The following CSMD1 variants were observed in gnomAD, a reference collection of about 807,000 sequenced individuals.
CSMD1 encodes the protein CUB and sushi domain-containing protein 1.
Under a neutral mutation model 417.5 loss-of-function variants are expected in CSMD1, and 213 were observed. That is an observed-to-expected ratio of 0.51 (90% confidence interval 0.46 to 0.57). CSMD1 has a LOEUF of 0.57. Among genes scored for constraint, CSMD1 ranks in the 20% least tolerant of loss-of-function variants. CSMD1 has a pLI of 0.00. For synonymous variants in CSMD1, 2,862 were observed against 1,736.8 expected, an observed-to-expected ratio of 1.65 and a Z score of -16.11; for missense variants, 6,923 against 4,529.7, an observed-to-expected ratio of 1.53 and a Z score of -15.17.
At chr8:3,111,127 C>T (rs568264356) in intron 42 of CSMD1, among the ~76,000 whole-genome samples, 10 of 152,274 alleles carry the variant, frequency 6.6e-5, no homozygotes, top group African/African-American at 2.4e-4. Flanking sequence ...GTGTTCACAA[C>T]TCTCTTGAAC....
intron 3 of CSMD1, among the ~76,000 whole-genome samples, chr8:4,247,539 G>A (rs1430872262): frequency 6.6e-6 from 1 of 152,062 alleles, no homozygotes; most frequent in Non-Finnish European, 1.5e-5. Context: ...AGTACCCGAA[G>A]AATCAAAGGC....
chr8:4,099,077 G>C (rs772444911), intron 3 of CSMD1, among the ~76,000 whole-genome samples: 48 of 152,036 alleles, frequency 3.2e-4, no homozygotes, highest in Non-Finnish European at 5.1e-4. Context: ...CTTCATTCTA[G>C]ACATTATTTT....
intron 8 of CSMD1, among the ~76,000 whole-genome samples, chr8:3,586,740 A>C (rs1800618496): frequency 1.3e-5 from 2 of 152,178 alleles, no homozygotes; most frequent in Admixed American, 6.5e-5. Flanking sequence ...TATTTAAAAG[A>C]AAGCTAGTGA....
intron 2 of CSMD1, among the ~76,000 whole-genome samples, chr8:4,571,698 T>G (rs893380031): frequency 3.3e-5 from 5 of 152,198 alleles, no homozygotes; most frequent in Admixed American, 3.3e-4. Flanking sequence ...ATTTTCTGTC[T>G]CTTTGATCTG....
chr8:3,793,224 A>C (rs1445218466), intron 5 of CSMD1, among the ~76,000 whole-genome samples: 4 of 152,188 alleles, frequency 2.6e-5, no homozygotes, highest in Non-Finnish European at 5.9e-5. Context: ...CTATGGTCTA[A>C]GTCCTGTTCC....
chr8:4,505,521 A>T (rs555942908), intron 2 of CSMD1, among the ~76,000 whole-genome samples: 140 of 152,276 alleles, frequency 9.2e-4, no homozygotes, highest in Middle Eastern at 3.4e-3. Flanking sequence ...AATTTTTCTG[A>T]TTCCTCAGAA....
chr8:4,914,149 G>A (rs1039062206), intron 1 of CSMD1, among the ~76,000 whole-genome samples: 8 of 152,140 alleles, frequency 5.3e-5, no homozygotes, highest in Non-Finnish European at 7.4e-5. Flanking sequence ...TCTGAAAAGT[G>A]CATATAAAGT....
chr8:4,186,553 AAAGACG>A (rs1166420652), intron 3 of CSMD1, among the ~76,000 whole-genome samples: 1 of 152,208 alleles, frequency 6.6e-6, no homozygotes, highest in Non-Finnish European at 1.5e-5. Context: ...TACGAATATA[AAAGACG>A]AAATAATAGG....
chr8:3,865,990 C>G (rs550215712), intron 5 of CSMD1, among the ~76,000 whole-genome samples: 4 of 152,132 alleles, frequency 2.6e-5, no homozygotes, highest in Non-Finnish European at 5.9e-5. Flanking sequence ...ATTTCACCAT[C>G]ATCTGTAGTC....
At chr8:4,396,479 T>C (rs75180549) in intron 3 of CSMD1, among the ~76,000 whole-genome samples, 4,618 of 152,110 alleles carry the variant, frequency 0.03, 217 homozygotes, top group African/African-American at 0.11. Context: ...CACTCTGCAA[T>C]GGGAATTGCA....
intron 5 of CSMD1, among the ~76,000 whole-genome samples, chr8:3,878,242 T>C (rs1294644809): frequency 6.6e-6 from 1 of 152,178 alleles, no homozygotes; most frequent in Non-Finnish European, 1.5e-5. Context: ...GAGATGATAA[T>C]TTCTTAGATT....
At chr8:4,184,058 C>G (rs760161158) in intron 3 of CSMD1, among the ~76,000 whole-genome samples, 1 of 152,132 alleles carries the variant, frequency 6.6e-6, no homozygotes, top group African/African-American at 2.4e-5. Flanking sequence ...TTATTATCTA[C>G]CCTGCAATAA....
At chr8:3,050,092 C>T (rs1811717233) in intron 50 of CSMD1, among the ~76,000 whole-genome samples, 1 of 147,566 alleles carries the variant, frequency 6.8e-6, no homozygotes, top group Non-Finnish European at 1.5e-5. Flanking sequence ...TTATGCATAA[C>T]ACCTAGAGAA....
intron 3 of CSMD1, among the ~76,000 whole-genome samples, chr8:4,383,457 C>A: frequency 6.6e-6 from 1 of 152,132 alleles, no homozygotes; most frequent in East Asian, 1.9e-4. Flanking sequence ...CACAGTAGTT[C>A]CTAATACTTC....
At chr8:3,742,683 C>T (rs1014975790) in intron 6 of CSMD1, among the ~76,000 whole-genome samples, 2 of 151,988 alleles carry the variant, frequency 1.3e-5, no homozygotes, top group African/African-American at 2.4e-5. Context: ...AGAGTCAGCA[C>T]TCCAGTTTAA....
rs568775142 is a variant in CSMD1, at chr8:3,511,192, G to T, written c.1345-17466C>A. ...GGGAGTTGAACAATGAGGACACAAG[G>T]GCACAGGAAGGGGAATATCATACAC... On this transcript the variant is annotated intron_variant, in intron 10 of 69. Transcript: ENST00000635120. Among the ~76,000 whole-genome samples, 57 of 151,790 alleles carry T rather than the reference G, an allele frequency of 3.8e-4. 4 individuals are homozygous for T. Among genetic ancestry groups the T allele is most frequent in the African/African-American group, 1.3e-3 (55 of 41,126 alleles).
chr8:4,145,641 G>C (rs1277669323), intron 3 of CSMD1, among the ~76,000 whole-genome samples: 1 of 150,796 alleles, frequency 6.6e-6, no homozygotes, highest in African/African-American at 2.5e-5. Flanking sequence ...CTGCCCACTT[G>C]GCCTCTCAAA....
chr8:4,287,782 G>T (rs767937389), intron 3 of CSMD1, among the ~76,000 whole-genome samples: 51 of 151,754 alleles, frequency 3.4e-4, no homozygotes, highest in Non-Finnish European at 6.6e-4. Context: ...GAGCGAGTTG[G>T]ACTCATACTA....
intron 7 of CSMD1, among the ~76,000 whole-genome samples, chr8:3,623,351 G>A (rs974368881): frequency 2.0e-5 from 3 of 152,114 alleles, no homozygotes; most frequent in Non-Finnish European, 4.4e-5. Context: ...AACTCAACAT[G>A]AATTTCTTTG....
Sources: gnomAD v4.1 joint callset for allele counts (sites outside exome capture counted in the v4.1 genomes callset) on GRCh38, gnomAD v4.1.1 for gene constraint, MANE v1.5 for transcripts, NCBI Gene and HGNC (gene_info 2026-07-23, HGNC 2026-07-21) for gene names.